The following GRM4 variants were observed in gnomAD, a reference collection of about 807,000 sequenced individuals.
GRM4 encodes the protein metabotropic glutamate receptor 4.
A neutral mutation model predicts 81.7 loss-of-function variants in GRM4; 28 were observed. The observed-to-expected ratio is 0.34, with a 90% CI of 0.25 to 0.47. GRM4 has a LOEUF of 0.47. Ranked by LOEUF, GRM4 falls within the 20% of genes least tolerant of loss-of-function variation. The pLI is 1.00. For synonymous variants in GRM4, 488 were observed against 528.8 expected, an observed-to-expected ratio of 0.92 and a Z score of 1.06; for missense variants, 948 against 1,290.0, an observed-to-expected ratio of 0.73 and a Z score of 4.06.
Position 34,130,591 on chromosome 6 carries a change from C to A in GRM4, c.519+2387G>T, listed in dbSNP as rs1270207961. On this transcript the variant is annotated intron_variant, in intron 2 of 10. Transcript: ENST00000538487. This position sits in a 1 kb window ranked among gnomAD's most constrained non-coding sequence, Gnocchi z 4.1. Reference sequence around the variant, plus strand: ...TTAGCACAGCAGCTGCAGCCCACTCCCCTGTCTGGGGCACTGAGCGTCTCA... The same window carrying A: ...TTAGCACAGCAGCTGCAGCCCACTCACCTGTCTGGGGCACTGAGCGTCTCA... Among the ~76,000 whole-genome samples the A allele has an allele frequency of 1.3e-5, 2 of 152,226 alleles. No individual in the cohort carries two copies. The highest frequency in any genetic ancestry group is 2.9e-5 in the Non-Finnish European group (2 of 68,032).
rs1320816248 is a variant in GRM4 at position 34,018,804 on chromosome 6, T to TG, written c.*4016dup. Reference sequence around the variant, plus strand: ...TCTGGTGCCGAGTGCCATTTAGTGCTGGGTTGGGGGTGGGGGTCTGAGCCC... The same window carrying TG: ...TCTGGTGCCGAGTGCCATTTAGTGCTGGGGTTGGGGGTGGGGGTCTGAGCCC... On this transcript the variant is annotated 3_prime_UTR_variant, in exon 11 of 11. Coordinates refer to ENST00000538487, the MANE Select transcript of GRM4 (RefSeq NM_000841.4). The TG allele has an allele frequency of 6.6e-6, 1 of 151,018 alleles. No individual in the cohort carries two copies. Among genetic ancestry groups the TG allele is most frequent in the Non-Finnish European group, 1.5e-5 (1 of 67,672 alleles). 9.4% of individuals were successfully genotyped at this position (151,018 alleles called of 1,614,324 possible). A position where few individuals can be genotyped will look rare whatever the true frequency, so the allele number is the denominator to read the frequency against.
intron 3 of GRM4, among the ~76,000 whole-genome samples, chr6:34,065,710 G>T (rs889745364): frequency 6.6e-6 from 1 of 152,172 alleles, no homozygotes; most frequent in Admixed American, 6.5e-5. Flanking sequence ...TCTGCTCGCC[G>T]GCCAGGGGCA....
chr6:34,124,535 G>A (rs532427970), intron 2 of GRM4, among the ~76,000 whole-genome samples: 2 of 152,318 alleles, frequency 1.3e-5, no homozygotes, highest in South Asian at 2.1e-4. Flanking sequence ...TGCTTCCTGC[G>A]TGATAAAGTT....
Position 34,022,884 on chromosome 6 carries a change from G to C in GRM4, c.2690-14C>G. 1 of 1,611,526 alleles carries C rather than the reference G, an allele frequency of 6.2e-7. No homozygotes were observed. The highest frequency in any genetic ancestry group is 8.5e-7 in the Non-Finnish European group (1 of 1,177,612). Reference sequence around the variant, plus strand: ...TGGTGGCCAGCGCTGGAAGGAGAGAGACCAGGGGTACCCAGGAGTCAGGGG... The same window carrying C: ...TGGTGGCCAGCGCTGGAAGGAGAGACACCAGGGGTACCCAGGAGTCAGGGG... On this transcript the variant is annotated splice_polypyrimidine_tract_variant and intron_variant, in intron 10 of 10. Coordinates refer to ENST00000538487, the MANE Select transcript of GRM4 (RefSeq NM_000841.4). This position sits in a 1 kb window ranked among gnomAD's most constrained non-coding sequence, Gnocchi z 5.6.
At position 34,090,259 on chromosome 6, in the gene GRM4, C is replaced by G. The variant is rs1768130628; in HGVS notation, c.736+1624G>C. ...GACTCAGGGCCCTTGATCCCTTCCC[C>G]CATCCTATACCTTTGCCCCTAAATC... is the stretch of plus-strand genomic sequence containing the variant. On this transcript the variant is annotated intron_variant, in intron 3 of 10. Coordinates refer to ENST00000538487, the MANE Select transcript of GRM4 (RefSeq NM_000841.4). This position sits in a 1 kb window ranked among gnomAD's most constrained non-coding sequence, Gnocchi z 5.2. Among the ~76,000 whole-genome samples, 1 of 152,202 alleles carries G rather than the reference C, an allele frequency of 6.6e-6. No homozygotes were observed.
chr6:34,044,239 T>G (rs1228300184), intron 6 of GRM4, among the ~76,000 whole-genome samples: 5 of 131,128 alleles, frequency 3.8e-5, no homozygotes, highest in African/African-American at 1.5e-4. Context: ...GACACACACA[T>G]ACACACACAG....
intron 1 of GRM4, among the ~76,000 whole-genome samples, chr6:34,151,404 T>C (rs893615926): frequency 6.6e-6 from 1 of 152,184 alleles, no homozygotes; most frequent in Non-Finnish European, 1.5e-5. Context: ...AAACAACTTA[T>C]CATCTCTCTC....
chr6:34,069,164 G>A lies in GRM4; in HGVS notation c.737-7136C>T, dbSNP rs768269151. On this transcript the variant is annotated intron_variant, in intron 3 of 10. Transcript: ENST00000538487. The surrounding 1 kb of genome is among the most constrained non-coding windows in gnomAD (Gnocchi z 6.4). ...AAGCTACCCCTGGACCCTCATGGGC[G>A]TATACACACACACACACACACACAC... is the stretch of plus-strand genomic sequence containing the variant. 7.5e-5 allele frequency among the ~76,000 whole-genome samples: 9 copies of A among 120,792 alleles called. No individual in the cohort carries two copies. In the East Asian group the frequency reaches 1.3e-3, roughly 18 times the overall value. The allele number at this position is 120,792 out of a possible 152,430, so 79.2% of individuals were successfully genotyped here. A position where few individuals can be genotyped will look rare whatever the true frequency, so the allele number is the denominator to read the frequency against.
intron 1 of GRM4, among the ~76,000 whole-genome samples, chr6:34,144,914 C>A (rs999545771): frequency 6.6e-6 from 1 of 152,118 alleles, no homozygotes; most frequent in Non-Finnish European, 1.5e-5. Flanking sequence ...AGTTCAGATC[C>A]CGCGCCCTCC....
rs1168189687 is a variant in GRM4 at position 34,064,005 on chromosome 6, G to C, written c.737-1977C>G. On this transcript the variant is annotated intron_variant, in intron 3 of 10. Coordinates refer to ENST00000538487, the MANE Select transcript of GRM4 (RefSeq NM_000841.4). The surrounding 1 kb of genome is among the most constrained non-coding windows in gnomAD (Gnocchi z 4.4). ...TCATATTTCTGAGATGCTCCTCTAAGAGGATCCGCGTGATGGTCTTGCCTG... is the reference window on the plus strand; with the variant it reads ...TCATATTTCTGAGATGCTCCTCTAACAGGATCCGCGTGATGGTCTTGCCTG... Among the ~76,000 whole-genome samples, 2 of 152,214 alleles carry C rather than the reference G, an allele frequency of 1.3e-5. No individual in the cohort carries two copies. The highest frequency in any genetic ancestry group is 2.9e-5 in the Non-Finnish European group (2 of 68,032).
Position 34,111,805 on chromosome 6 carries a change from G to C in GRM4, c.520-19706C>G, listed in dbSNP as rs1213166703. On this transcript the variant is annotated intron_variant, in intron 2 of 10. Coordinates refer to ENST00000538487, the MANE Select transcript of GRM4 (RefSeq NM_000841.4). The surrounding 1 kb of genome is among the most constrained non-coding windows in gnomAD (Gnocchi z 5.1). ...GCTGCCCCCCGGGACACCATGGGCT[G>C]ATGTTGGCAGCATTGCCCCTCTCCT... is the stretch of plus-strand genomic sequence containing the variant. Among the ~76,000 whole-genome samples, 1 of 152,190 alleles carries C rather than the reference G, an allele frequency of 6.6e-6. No homozygotes were observed. Among genetic ancestry groups the C allele is most frequent in the Non-Finnish European group, 1.5e-5 (1 of 68,024 alleles).
Position 34,133,563 on chromosome 6 carries a change from C to A in GRM4, c.-67G>T, listed in dbSNP as rs1004636271. The stretch of plus-strand genomic sequence containing the variant: ...TAGCCCTGGCAGGCCCCTGGCCCCA[C>A]GGCCTGGGTGGGCATGGGCAGGGCA... On this transcript the variant is annotated 5_prime_UTR_variant, in exon 2 of 11. Coordinates refer to ENST00000538487, the MANE Select transcript of GRM4 (RefSeq NM_000841.4). This position sits in a 1 kb window ranked among gnomAD's most constrained non-coding sequence, Gnocchi z 6.5. The A allele has an allele frequency of 2.7e-6, 4 of 1,496,156 alleles. No homozygotes were observed. Among genetic ancestry groups the A allele is most frequent in the East Asian group, 4.6e-5 (2 of 43,762 alleles). 92.7% of individuals were successfully genotyped at this position (1,496,156 alleles called of 1,614,324 possible).
rs913948777 is a variant in GRM4, at chr6:34,078,497, T to C, written c.736+13386A>G. 2.0e-5 allele frequency among the ~76,000 whole-genome samples: 3 copies of C among 152,146 alleles called. No individual in the cohort carries two copies. Among genetic ancestry groups the C allele is most frequent in the Admixed American group, 2.0e-4 (3 of 15,276 alleles). Reference sequence around the variant, plus strand: ...CCTTCCCTTCTTCCACCCCGTCTTCTTCCCCACCTCCACCTTTCTATCTCA... The same window carrying C: ...CCTTCCCTTCTTCCACCCCGTCTTCCTCCCCACCTCCACCTTTCTATCTCA... On this transcript the variant is annotated intron_variant, in intron 3 of 10. Coordinates refer to ENST00000538487, the MANE Select transcript of GRM4 (RefSeq NM_000841.4). This position sits in a 1 kb window ranked among gnomAD's most constrained non-coding sequence, Gnocchi z 4.8.
intron 3 of GRM4, among the ~76,000 whole-genome samples, chr6:34,065,191 C>A (rs926420710): frequency 6.6e-6 from 1 of 152,174 alleles, no homozygotes; most frequent in African/African-American, 2.4e-5. Context: ...TCCACCATCA[C>A]CACAGCCCAC....
intron 3 of GRM4, among the ~76,000 whole-genome samples, chr6:34,073,167 A>G (rs1285870302): frequency 9.3e-5 from 9 of 96,280 alleles, no homozygotes; most frequent in Non-Finnish European, 1.5e-4. Flanking sequence ...ACACACACCC[A>G]CACACCACCA....
At chr6:34,153,241 G>A (rs1351575952) in intron 1 of GRM4, among the ~76,000 whole-genome samples, 1 of 152,162 alleles carries the variant, frequency 6.6e-6, no homozygotes, top group Non-Finnish European at 1.5e-5. Context: ...TCCGGGATCT[G>A]CATCACCCCT....
chr6:34,071,946 AT>A lies in GRM4; in HGVS notation c.737-9919del, dbSNP rs1272997850. 4.2e-5 allele frequency among the ~76,000 whole-genome samples: 6 copies of A among 143,494 alleles called. No homozygotes were observed. In the South Asian group the frequency reaches 1.3e-3, roughly 30 times the overall value. The allele number at this position is 143,494 out of a possible 152,430, so 94.1% of individuals were successfully genotyped here. On this transcript the variant is annotated intron_variant, in intron 3 of 10. Coordinates refer to ENST00000538487, the MANE Select transcript of GRM4 (RefSeq NM_000841.4). ...ATACACAGCACACACAGACACACACATATCACCACACAGATACACACCACAC... is the reference window on the plus strand; with the variant it reads ...ATACACAGCACACACAGACACACACAATCACCACACAGATACACACCACAC...
rs1767218952 is a variant in GRM4, at chr6:34,074,644, A to G, written c.737-12616T>C. On this transcript the variant is annotated intron_variant, in intron 3 of 10. Transcript: ENST00000538487. The surrounding 1 kb of genome is among the most constrained non-coding windows in gnomAD (Gnocchi z 4.9). ...GGGCAGCGCAAGCAGTGTGGCTCAC[A>G]GCTGCATTATTCATGGCGCTAGGCT... Among the ~76,000 whole-genome samples the G allele has an allele frequency of 6.6e-6, 1 of 152,198 alleles. No individual in the cohort carries two copies. The highest frequency in any genetic ancestry group is 6.5e-5 in the Admixed American group (1 of 15,290).
At chr6:34,118,093 C>A (rs1050700256) in intron 2 of GRM4, among the ~76,000 whole-genome samples, 1 of 152,174 alleles carries the variant, frequency 6.6e-6, no homozygotes, top group Non-Finnish European at 1.5e-5. Context: ...AGAAAAAGGG[C>A]TGGAAGGAAA....
Sources: allele counts gnomAD v4.1 joint callset (sites outside exome capture counted in the v4.1 genomes callset), GRCh38; gene constraint gnomAD v4.1.1; non-coding constraint Gnocchi (gnomAD v3.1); transcripts MANE v1.5; gene names NCBI Gene and HGNC (gene_info 2026-07-23, HGNC 2026-07-21).